Variants in ARHGAP23 observed in about 807,000 individuals in gnomAD.
ARHGAP23 encodes the protein rho GTPase-activating protein 23.
A neutral mutation model predicts 136.3 loss-of-function variants in ARHGAP23; 34 were observed. That is an observed-to-expected ratio of 0.25 (90% CI 0.19 to 0.33). The LOEUF is 0.33. ARHGAP23 is among the 10% of genes least tolerant of loss of function. The pLI, the probability that ARHGAP23 is intolerant of heterozygous loss-of-function variation, is 1.00. For synonymous variants in ARHGAP23, 832 were observed against 920.5 expected, an observed-to-expected ratio of 0.90 and a Z score of 1.74; for missense variants, 1,808 against 2,139.0, an observed-to-expected ratio of 0.85 and a Z score of 3.05.
chr17:38,480,869 C>T (rs1226802941), intron 14 of ARHGAP23, among the ~76,000 whole-genome samples: 1 of 151,360 alleles, frequency 6.6e-6, no homozygotes, highest in Non-Finnish European at 1.5e-5. Flanking sequence ...GTGGCTGACA[C>T]CTATAATCCC....
chr17:38,507,396 A>C (rs1369752998), intron 23 of ARHGAP23, among the ~76,000 whole-genome samples: 1 of 151,996 alleles, frequency 6.6e-6, no homozygotes, highest in Non-Finnish European at 1.5e-5. Flanking sequence ...CCTCCATCAT[A>C]AGATTGCTGT....
At chr17:38,430,361 G>C (rs2038659806) in intron 1 of ARHGAP23, among the ~76,000 whole-genome samples, 1 of 152,034 alleles carries the variant, frequency 6.6e-6, no homozygotes, top group South Asian at 2.1e-4. Flanking sequence ...GTGGATCCCA[G>C]CCCAAGCAGA....
At chr17:38,432,122 C>T (rs2038698695) in intron 1 of ARHGAP23, among the ~76,000 whole-genome samples, 1 of 152,236 alleles carries the variant, frequency 6.6e-6, no homozygotes, top group African/African-American at 2.4e-5. Flanking sequence ...TGTTCCATCT[C>T]ATATCCGTCT....
At chr17:38,466,048 C>A (rs992446249) in intron 6 of ARHGAP23, 119 bp from the exon 7 acceptor site, 8 of 761,388 alleles carry the variant, frequency 1.1e-5, no homozygotes, top group Non-Finnish European at 1.5e-5. Context: ...TCGTTCCCCC[C>A]ACCGCTTGGT....
At chr17:38,432,721 C>T (rs971198993) in intron 1 of ARHGAP23, among the ~76,000 whole-genome samples, 14 of 151,702 alleles carry the variant, frequency 9.2e-5, no homozygotes, top group East Asian at 1.9e-4. Context: ...CCCAGCTACT[C>T]GGGTGGTGGA....
intron 22 of ARHGAP23, chr17:38,498,808 C>T: frequency 1.5e-6 from 1 of 674,178 alleles, no homozygotes; most frequent in Non-Finnish European, 2.7e-6. Flanking sequence ...TGGCTGTGTC[C>T]TTCTGGGCAT....
Position 38,460,897 on chromosome 17 carries a change from C to CCCTG in ARHGAP23, c.226-6_226-3dup. 1.3e-6 allele frequency: 2 copies of CCCTG among 1,536,086 alleles called. No individual in the cohort carries two copies. Among genetic ancestry groups the CCCTG allele is most frequent in the Non-Finnish European group, 1.7e-6 (2 of 1,146,882 alleles). On this transcript the variant is annotated splice_polypyrimidine_tract_variant and splice_region_variant and intron_variant, in intron 2 of 23. Coordinates refer to ENST00000622683, the MANE Select transcript of ARHGAP23 (RefSeq NM_001199417.2). ...TGACGCCCACACCCACTCCTCTGTT[C>CCCTG]CCTGCAGGAGGAAGAGAATGGAGGC...
At chr17:38,442,130 T>G (rs1017780544) in intron 1 of ARHGAP23, among the ~76,000 whole-genome samples, 66 of 152,130 alleles carry the variant, frequency 4.3e-4, no homozygotes, top group African/African-American at 1.4e-3. Context: ...TAATTTTTAC[T>G]ATTATTTTTG....
intron 20 of ARHGAP23, among the ~76,000 whole-genome samples, chr17:38,492,762 C>T (rs1436361558): frequency 1.3e-5 from 2 of 152,234 alleles, no homozygotes; most frequent in Non-Finnish European, 2.9e-5. Context: ...ACACTGGGAA[C>T]ACCACTCCAG....
intron 23 of ARHGAP23, among the ~76,000 whole-genome samples, chr17:38,505,531 C>A (rs1269885328): frequency 6.6e-6 from 1 of 152,156 alleles, no homozygotes; most frequent in Admixed American, 6.5e-5. Context: ...CCATAAGAAA[C>A]CTCCCCATGA....
chr17:38,442,554 A>G (rs947390300), intron 1 of ARHGAP23, among the ~76,000 whole-genome samples: 4 of 152,254 alleles, frequency 2.6e-5, no homozygotes, highest in African/African-American at 7.2e-5. Context: ...CTCATAAATA[A>G]GTAGACACTG....
chr17:38,476,505 T>A (rs1481300300), intron 11 of ARHGAP23, among the ~76,000 whole-genome samples: 2 of 152,038 alleles, frequency 1.3e-5, no homozygotes, highest in African/African-American at 2.4e-5. Flanking sequence ...GCAAGTATTG[T>A]GCAAAGTGCC....
intron 20 of ARHGAP23, among the ~76,000 whole-genome samples, chr17:38,497,040 T>C (rs1198896664): frequency 6.6e-6 from 1 of 152,176 alleles, no homozygotes; most frequent in African/African-American, 2.4e-5. Flanking sequence ...CTTCAACACG[T>C]CAAAACTTAC....
At chr17:38,453,509 C>T (rs946798963) in intron 1 of ARHGAP23, among the ~76,000 whole-genome samples, 3 of 147,760 alleles carry the variant, frequency 2.0e-5, no homozygotes, top group African/African-American at 7.5e-5. Flanking sequence ...GGGGAGAGTG[C>T]GTGTCTGGGT....
At chr17:38,500,348 GC>G in intron 22 of ARHGAP23, 2 of 553,058 alleles carry the variant, frequency 3.6e-6, no homozygotes, top group Non-Finnish European at 6.4e-6. Flanking sequence ...TAAATGAGGG[GC>G]CAGTGGCTGG....
At chr17:38,468,415 A>G (rs966514934) in intron 7 of ARHGAP23, among the ~76,000 whole-genome samples, 1 of 152,114 alleles carries the variant, frequency 6.6e-6, no homozygotes, top group African/African-American at 2.4e-5. Context: ...ACTGTTGAAT[A>G]TGAGGTGTCC....
At chr17:38,498,290 C>T (rs957383804) in intron 21 of ARHGAP23, 124 bp from the exon 22 acceptor site, 3 of 689,560 alleles carry the variant, frequency 4.4e-6, no homozygotes, top group African/African-American at 3.7e-5. Flanking sequence ...GGGAGACGGT[C>T]CCTGCCCCAG....
At chr17:38,505,048 A>C (rs550742998) in intron 23 of ARHGAP23, among the ~76,000 whole-genome samples, 176 of 111,294 alleles carry the variant, frequency 1.6e-3, no homozygotes, top group African/African-American at 5.8e-3. Context: ...TCTGTCACCC[A>C]GGCTGGAGTG....
intron 1 of ARHGAP23, among the ~76,000 whole-genome samples, chr17:38,449,383 G>A (rs36112679): frequency 1.9e-3 from 297 of 152,346 alleles, no homozygotes; most frequent in African/African-American, 6.9e-3. Flanking sequence ...CCAGGTTCCC[G>A]GTGATGGGGG....
Sources: gnomAD v4.1 joint callset for allele counts (sites outside exome capture counted in the v4.1 genomes callset) on GRCh38, gnomAD v4.1.1 for gene constraint, MANE v1.5 for transcripts, NCBI Gene and HGNC (gene_info 2026-07-23, HGNC 2026-07-21) for gene names.